Variants in QKI observed in about 807,000 individuals in gnomAD.
QKI encodes the protein QKI, KH domain containing RNA binding.
QKI carries 10 observed loss-of-function variants against 39.0 expected under a neutral mutation model. The ratio of observed to expected loss-of-function variants is 0.26; its 90% CI spans 0.16 to 0.43. The LOEUF (loss-of-function observed/expected upper bound fraction) is 0.43. Among genes scored for constraint, QKI ranks in the 20% least tolerant of loss-of-function variants. QKI has a pLI of 1.00. For missense variants in QKI, 218 were observed against 428.0 expected (o/e 0.51, Z 4.33); for synonymous variants, 204 against 155.4 (o/e 1.31, Z -2.33).
At chr6:163,569,631 A>T in intron 7 of QKI, 1 of 1,001,200 alleles carries the variant, frequency 1.0e-6, no homozygotes, top group South Asian at 4.0e-5. Context: ...CTTGAGAACT[A>T]CTTTATGTTT....
chr6:163,479,622 A>G (rs1462806333), intron 3 of QKI, among the ~76,000 whole-genome samples: 2 of 152,194 alleles, frequency 1.3e-5, no homozygotes, highest in African/African-American at 4.8e-5. Flanking sequence ...CACCCACCTC[A>G]GCCTCCCAAA....
chr6:163,559,923 CAA>C (rs1181389386), intron 4 of QKI, among the ~76,000 whole-genome samples: 2 of 152,144 alleles, frequency 1.3e-5, no homozygotes, highest in African/African-American at 4.8e-5. Flanking sequence ...GTAAATATCA[CAA>C]AGTCATGTAA....
chr6:163,486,276 C>G (rs747800762), intron 3 of QKI, among the ~76,000 whole-genome samples: 4 of 152,182 alleles, frequency 2.6e-5, no homozygotes, highest in Non-Finnish European at 5.9e-5. Flanking sequence ...AGAATGTGGG[C>G]TTTGAAATAA....
intron 2 of QKI, among the ~76,000 whole-genome samples, chr6:163,456,279 C>T (rs910075599): frequency 4.6e-5 from 7 of 151,934 alleles, no homozygotes; most frequent in African/African-American, 1.2e-4. Context: ...CACTTATAAT[C>T]GGGCATTTTT....
intron 2 of QKI, among the ~76,000 whole-genome samples, chr6:163,455,737 C>G (rs1330263127): frequency 6.6e-6 from 1 of 152,158 alleles, no homozygotes; most frequent in Non-Finnish European, 1.5e-5. Flanking sequence ...TTTAATCTGA[C>G]CTTCAAGAAG....
At chr6:163,436,291 A>C (rs1448444494) in intron 1 of QKI, among the ~76,000 whole-genome samples, 1 of 152,352 alleles carries the variant, frequency 6.6e-6, no homozygotes, top group African/African-American at 2.4e-5. Flanking sequence ...TTTTGCTTCC[A>C]TACACAACCC....
intron 4 of QKI, among the ~76,000 whole-genome samples, chr6:163,555,155 A>G (rs934985870): frequency 6.6e-6 from 1 of 152,092 alleles, no homozygotes. Flanking sequence ...CATTATTTCA[A>G]ATTTATAGAA....
chr6:163,461,830 C>G (rs1377577416), intron 2 of QKI, among the ~76,000 whole-genome samples: 1 of 152,132 alleles, frequency 6.6e-6, no homozygotes, highest in African/African-American at 2.4e-5. Context: ...CATCCTAACC[C>G]CTCAGAATTG....
At chr6:163,428,584 C>T (rs569916868) in intron 1 of QKI, among the ~76,000 whole-genome samples, 4 of 152,168 alleles carry the variant, frequency 2.6e-5, no homozygotes, top group Non-Finnish European at 5.9e-5. Context: ...TATAGCATTA[C>T]GACATACTGT....
chr6:163,509,956 G>A (rs2128234686), intron 3 of QKI, among the ~76,000 whole-genome samples: 1 of 152,164 alleles, frequency 6.6e-6, no homozygotes, highest in Admixed American at 6.5e-5. Flanking sequence ...GCTCAGGCCT[G>A]TAATCCTAGC....
At chr6:163,444,071 T>C (rs370341495) in intron 1 of QKI, among the ~76,000 whole-genome samples, 6 of 152,330 alleles carry the variant, frequency 3.9e-5, no homozygotes, top group African/African-American at 1.4e-4. Context: ...TAATTTAAAG[T>C]AAATTCTGGT....
At chr6:163,459,450 C>A (rs1450616995) in intron 2 of QKI, among the ~76,000 whole-genome samples, 2 of 152,060 alleles carry the variant, frequency 1.3e-5, no homozygotes, top group East Asian at 3.9e-4. Flanking sequence ...GCACCTCCAG[C>A]CCCCCAACAA....
chr6:163,439,348 T>G (rs1278543423), intron 1 of QKI, among the ~76,000 whole-genome samples: 1 of 148,398 alleles, frequency 6.7e-6, no homozygotes, highest in Non-Finnish European at 1.5e-5. Context: ...TTGTTTTTTT[T>G]TTTTTTCGGG....
intron 3 of QKI, among the ~76,000 whole-genome samples, chr6:163,485,311 A>C (rs1201047834): frequency 6.6e-6 from 1 of 152,164 alleles, no homozygotes; most frequent in Non-Finnish European, 1.5e-5. Flanking sequence ...AGGGCTGTGA[A>C]AGAAATGTAT....
intron 1 of QKI, among the ~76,000 whole-genome samples, chr6:163,442,250 G>T (rs557814365): frequency 6.6e-6 from 1 of 152,320 alleles, no homozygotes; most frequent in Non-Finnish European, 1.5e-5. Flanking sequence ...TCTGTAAAAT[G>T]TGCATTTTTG....
At chr6:163,519,024 C>T (rs141334961) in intron 3 of QKI, among the ~76,000 whole-genome samples, 20 of 152,172 alleles carry the variant, frequency 1.3e-4, no homozygotes, top group Non-Finnish European at 1.8e-4. Context: ...AGTAGCATAG[C>T]GACAAAAGTA....
chr6:163,522,597 T>C (rs1430563089), intron 3 of QKI, among the ~76,000 whole-genome samples: 1 of 152,204 alleles, frequency 6.6e-6, no homozygotes, highest in African/African-American at 2.4e-5. Context: ...TGGAGCAAAC[T>C]TTTAACGTTC....
intron 2 of QKI, among the ~76,000 whole-genome samples, chr6:163,466,542 A>G (rs1791769591): frequency 6.6e-6 from 1 of 152,218 alleles, no homozygotes; most frequent in South Asian, 2.1e-4. Flanking sequence ...AGACCAATGA[A>G]ACAGAACAGA....
At chr6:163,519,220 A>G (rs1274058802) in intron 3 of QKI, among the ~76,000 whole-genome samples, 4 of 152,192 alleles carry the variant, frequency 2.6e-5, no homozygotes, top group African/African-American at 9.7e-5. Context: ...AGTGCTGGGC[A>G]GGAATCCTAA....
Sources: allele counts gnomAD v4.1 joint callset (sites outside exome capture counted in the v4.1 genomes callset), GRCh38; gene constraint gnomAD v4.1.1; transcripts MANE v1.5; gene names NCBI Gene and HGNC (gene_info 2026-07-23, HGNC 2026-07-21).